EGFLAM: variants seen among roughly 807,000 people sequenced by gnomAD.
EGFLAM encodes the protein pikachurin.
A neutral mutation model predicts 113.1 loss-of-function variants in EGFLAM; 79 were observed. That is an observed-to-expected ratio of 0.70 (90% CI 0.58 to 0.84). EGFLAM has a LOEUF of 0.84. Ranked by LOEUF, EGFLAM falls within the 40% of genes least tolerant of loss-of-function variation. The pLI is 0.00. For missense variants in EGFLAM, 1,265 were observed against 1,291.6 expected (o/e 0.98, Z 0.32); for synonymous variants, 504 against 487.6 (o/e 1.03, Z -0.44).
chr5:38,259,354 C>G (rs1757444321), intron 1 of EGFLAM, among the ~76,000 whole-genome samples: 1 of 152,220 alleles, frequency 6.6e-6, no homozygotes, highest in African/African-American at 2.4e-5. Flanking sequence ...TCCTCTTCCA[C>G]TCTGGGGCCA....
intron 6 of EGFLAM, among the ~76,000 whole-genome samples, chr5:38,374,103 T>C (rs1408553536): frequency 6.6e-6 from 1 of 152,188 alleles, no homozygotes; most frequent in Non-Finnish European, 1.5e-5. Context: ...TGGTTTTAAT[T>C]TGCATTTCTC....
intron 1 of EGFLAM, among the ~76,000 whole-genome samples, chr5:38,312,301 G>A (rs1738467343): frequency 6.6e-6 from 1 of 151,564 alleles, no homozygotes; most frequent in Non-Finnish European, 1.5e-5. Context: ...GAGTGCAGTG[G>A]TGCAATCTCG....
chr5:38,316,267 C>T (rs1440518261), intron 1 of EGFLAM, among the ~76,000 whole-genome samples: 5 of 151,982 alleles, frequency 3.3e-5, no homozygotes, highest in African/African-American at 4.8e-5. Context: ...TCTGATTGAA[C>T]ATTTTACCTC....
At chr5:38,289,759 T>C (rs72739026) in intron 1 of EGFLAM, among the ~76,000 whole-genome samples, 2,479 of 152,244 alleles carry the variant, frequency 0.016, 45 homozygotes, top group Non-Finnish European at 0.02. Context: ...ACTAGGGATA[T>C]ACAAGGAAGG....
intron 3 of EGFLAM, among the ~76,000 whole-genome samples, chr5:38,350,209 A>G (rs1739584270): frequency 6.6e-6 from 1 of 152,174 alleles, no homozygotes; most frequent in Admixed American, 6.5e-5. Context: ...GCAACGTAGT[A>G]CTTTGATCAA....
intron 3 of EGFLAM, among the ~76,000 whole-genome samples, chr5:38,340,720 A>G (rs1283877239): frequency 6.6e-6 from 1 of 152,132 alleles, no homozygotes; most frequent in Non-Finnish European, 1.5e-5. Context: ...CTGCAAAGGC[A>G]GACTCAAGGG....
chr5:38,415,889 A>T (rs1435891686), intron 11 of EGFLAM, among the ~76,000 whole-genome samples: 1 of 151,966 alleles, frequency 6.6e-6, no homozygotes, highest in Non-Finnish European at 1.5e-5. Flanking sequence ...GCCCTTTATA[A>T]AACTATCAGA....
chr5:38,409,881 T>G (rs1170258603), intron 10 of EGFLAM, among the ~76,000 whole-genome samples: 1 of 152,140 alleles, frequency 6.6e-6, no homozygotes, highest in African/African-American at 2.4e-5. Context: ...CAGAGTTTTG[T>G]CGAAGGGTGA....
At chr5:38,460,352 A>G (rs895036814) in intron 20 of EGFLAM, among the ~76,000 whole-genome samples, 1 of 152,238 alleles carries the variant, frequency 6.6e-6, no homozygotes, top group Admixed American at 6.5e-5. Flanking sequence ...ATCTAAGGAA[A>G]CTGATGTTAA....
At chr5:38,283,947 A>G (rs529245098) in intron 1 of EGFLAM, 2 of 152,412 alleles carry the variant, frequency 1.3e-5, no homozygotes, top group African/African-American at 4.8e-5. Flanking sequence ...ATTAGCTCCA[A>G]ACTACAGGGT....
chr5:38,457,603 A>T (rs1366321754), intron 19 of EGFLAM, among the ~76,000 whole-genome samples: 6 of 152,144 alleles, frequency 3.9e-5, no homozygotes, highest in African/African-American at 1.4e-4. Context: ...GTATGACTTC[A>T]TTTTAACTAA....
At chr5:38,413,100 C>T (rs762200202) in intron 11 of EGFLAM, among the ~76,000 whole-genome samples, 3 of 151,992 alleles carry the variant, frequency 2.0e-5, no homozygotes, top group Non-Finnish European at 2.9e-5. Context: ...TGGCTCACTG[C>T]AGCCTCTACC....
At chr5:38,459,425 A>G (rs928727619) in intron 20 of EGFLAM, among the ~76,000 whole-genome samples, 16 of 152,170 alleles carry the variant, frequency 1.1e-4, no homozygotes, top group African/African-American at 3.1e-4. Context: ...TTAACTTTGG[A>G]TGAATCATTC....
chr5:38,411,182 G>C (rs2112140990), intron 10 of EGFLAM, among the ~76,000 whole-genome samples: 1 of 152,236 alleles, frequency 6.6e-6, no homozygotes, highest in Non-Finnish European at 1.5e-5. Flanking sequence ...GTAATCCCAG[G>C]ATTTTGGGAG....
chr5:38,436,206 C>T (rs1742344578), intron 16 of EGFLAM, among the ~76,000 whole-genome samples: 1 of 152,128 alleles, frequency 6.6e-6, no homozygotes, highest in Non-Finnish European at 1.5e-5. Context: ...AGCTTGACTC[C>T]CCAGCCCAGG....
chr5:38,388,159 C>A (rs1740713332), intron 6 of EGFLAM, among the ~76,000 whole-genome samples: 1 of 152,202 alleles, frequency 6.6e-6, no homozygotes, highest in Non-Finnish European at 1.5e-5. Flanking sequence ...ACCTGACACA[C>A]CTTTTTAATT....
intron 5 of EGFLAM, among the ~76,000 whole-genome samples, chr5:38,365,340 T>C (rs1001330868): frequency 6.6e-6 from 1 of 152,236 alleles, no homozygotes; most frequent in African/African-American, 2.4e-5. Flanking sequence ...TGGGTCACAA[T>C]GTCCAGTGTA....
intron 6 of EGFLAM, among the ~76,000 whole-genome samples, chr5:38,373,459 T>C (rs1740277133): frequency 6.6e-6 from 1 of 152,210 alleles, no homozygotes; most frequent in South Asian, 2.1e-4. Flanking sequence ...ATTTCCATCT[T>C]TATGTCCCCA....
In EGFLAM at chr5:38,312,292, A is replaced by G. The variant is rs1277920378; in HGVS notation, c.98-25228A>G. Among the ~76,000 whole-genome samples the G allele has an allele frequency of 2.7e-5, 4 of 148,474 alleles. 1 individual carries two copies. Among genetic ancestry groups the G allele is most frequent in the Admixed American group, 1.4e-4 (2 of 14,812 alleles). On this transcript the variant is annotated intron_variant, in intron 1 of 21. Transcript: ENST00000322350. The stretch of plus-strand genomic sequence containing the variant: ...AGTCTCGCTCTGTCGCCCAGGCTGG[A>G]GTGCAGTGGTGCAATCTCGGCTCAC...
Sources: gnomAD v4.1 joint callset for allele counts (sites outside exome capture counted in the v4.1 genomes callset) on GRCh38, gnomAD v4.1.1 for gene constraint, MANE v1.5 for transcripts, NCBI Gene and HGNC (gene_info 2026-07-23, HGNC 2026-07-21) for gene names.